MDGA2: variants seen among roughly 807,000 people sequenced by gnomAD.
MDGA2 encodes MAM domain-containing glycosylphosphatidylinositol anchor protein 2.
A neutral mutation model predicts 117.8 loss-of-function variants in MDGA2; 40 were observed. The observed-to-expected ratio is 0.34, with a 90% CI of 0.26 to 0.44. The LOEUF (loss-of-function observed/expected upper bound fraction) is 0.44, where lower values mean the gene tolerates loss of function less well. Among genes scored for constraint, MDGA2 ranks in the 20% least tolerant of loss-of-function variants. The pLI, the probability that MDGA2 is intolerant of heterozygous loss-of-function variation, is 1.00. For synonymous variants in MDGA2, 452 were observed against 439.0 expected, an observed-to-expected ratio of 1.03 and a Z score of -0.37; for missense variants, 1,123 against 1,250.6, an observed-to-expected ratio of 0.90 and a Z score of 1.54.
chr14:46,998,277 CTATAA>C (rs1205473563), intron 8 of MDGA2, among the ~76,000 whole-genome samples: 1 of 151,834 alleles, frequency 6.6e-6, no homozygotes, highest in African/African-American at 2.4e-5. Flanking sequence ...GATCCAGTCT[CTATAA>C]AAACAGATGA....
chr14:47,283,291 A>C (rs995489098), intron 2 of MDGA2, among the ~76,000 whole-genome samples: 3 of 152,226 alleles, frequency 2.0e-5, no homozygotes, highest in Non-Finnish European at 4.4e-5. Flanking sequence ...TCTACCTTCA[A>C]GAAAAGTAAA....
rs1236050099 is a variant in MDGA2 at position 47,248,100 on chromosome 14, TA to T, written c.421-29906del. On this transcript the variant is annotated intron_variant, in intron 2 of 16. Coordinates refer to ENST00000399232, the MANE Select transcript of MDGA2 (RefSeq NM_001113498.3). ...TCTGCTATTGTGAATAGTGCTGCAA[TA>T]AACATATGTGTGCATGTGTCTTTAT... Among the ~76,000 whole-genome samples, 10 of 151,712 alleles carry T rather than the reference TA, an allele frequency of 6.6e-5. 2 individuals are homozygous for T. Among genetic ancestry groups the T allele is most frequent in the Non-Finnish European group, 1.3e-4 (9 of 67,778 alleles).
chr14:47,362,233 C>T (rs181956228), intron 1 of MDGA2, among the ~76,000 whole-genome samples: 2 of 152,254 alleles, frequency 1.3e-5, no homozygotes, highest in African/African-American at 2.4e-5. Flanking sequence ...GAAGTACCTT[C>T]ATTTTCCCTT....
chr14:47,615,328 T>C (rs143186889), intron 1 of MDGA2, among the ~76,000 whole-genome samples: 12 of 152,304 alleles, frequency 7.9e-5, no homozygotes, highest in Middle Eastern at 3.4e-3. Context: ...TAAAAATCAA[T>C]ATAAAATTTG....
chr14:46,921,297 T>G (rs1015918252), intron 9 of MDGA2, among the ~76,000 whole-genome samples: 1 of 152,128 alleles, frequency 6.6e-6, no homozygotes, highest in African/African-American at 2.4e-5. Flanking sequence ...CTTTTCTTTT[T>G]TTCTTTCTTT....
intron 1 of MDGA2, among the ~76,000 whole-genome samples, chr14:47,658,609 T>C (rs1897788053): frequency 6.6e-6 from 1 of 152,102 alleles, no homozygotes; most frequent in East Asian, 1.9e-4. Flanking sequence ...CAAGCAGATA[T>C]GAGCAACAAA....
intron 9 of MDGA2, among the ~76,000 whole-genome samples, chr14:46,939,073 A>T (rs1303959709): frequency 6.6e-6 from 1 of 152,138 alleles, no homozygotes; most frequent in East Asian, 1.9e-4. Context: ...TGATCTCATA[A>T]ATGTAAAGGG....
At chr14:46,959,938 A>G (rs936844417) in intron 8 of MDGA2, among the ~76,000 whole-genome samples, 2 of 151,998 alleles carry the variant, frequency 1.3e-5, no homozygotes, top group African/African-American at 4.8e-5. Flanking sequence ...AGTCTGTTGT[A>G]CATAGTTGGG....
chr14:47,467,032 T>C (rs954931799), intron 1 of MDGA2, among the ~76,000 whole-genome samples: 1 of 152,056 alleles, frequency 6.6e-6, no homozygotes, highest in Non-Finnish European at 1.5e-5. Flanking sequence ...CTGAAGTAAT[T>C]GTAACTAAGG....
intron 1 of MDGA2, among the ~76,000 whole-genome samples, chr14:47,390,141 TA>T (rs1891861738): frequency 6.6e-6 from 1 of 152,188 alleles, no homozygotes; most frequent in African/African-American, 2.4e-5. Context: ...AAATACAGAT[TA>T]AATATGAGGC....
chr14:47,518,053 T>G (rs1301476129), intron 1 of MDGA2, among the ~76,000 whole-genome samples: 2 of 152,088 alleles, frequency 1.3e-5, no homozygotes, highest in African/African-American at 4.8e-5. Flanking sequence ...GAGATTTTTA[T>G]ATTGTAGGTG....
chr14:47,233,605 G>A (rs1467834858), intron 2 of MDGA2, among the ~76,000 whole-genome samples: 1 of 151,990 alleles, frequency 6.6e-6, no homozygotes, highest in East Asian at 1.9e-4. Flanking sequence ...AGATGGCAGA[G>A]GGAGAATAAA....
chr14:47,656,060 A>G (rs1462454234), intron 1 of MDGA2, among the ~76,000 whole-genome samples: 1 of 152,174 alleles, frequency 6.6e-6, no homozygotes, highest in Non-Finnish European at 1.5e-5. Context: ...AGTTTATGGC[A>G]TACTACTGGG....
At chr14:47,174,942 T>C (rs1261610909) in intron 3 of MDGA2, among the ~76,000 whole-genome samples, 1 of 151,564 alleles carries the variant, frequency 6.6e-6, no homozygotes, top group Non-Finnish European at 1.5e-5. Flanking sequence ...ATCAAATAGA[T>C]GCAATAAAAA....
chr14:47,465,685 C>T (rs112647733), intron 1 of MDGA2, among the ~76,000 whole-genome samples: 5,957 of 152,016 alleles, frequency 0.039, 391 homozygotes, highest in African/African-American at 0.13. Context: ...AAATAACAGA[C>T]GCTGGCAAGG....
chr14:47,454,465 G>A (rs1313390171), intron 1 of MDGA2, among the ~76,000 whole-genome samples: 1 of 152,024 alleles, frequency 6.6e-6, no homozygotes, highest in Non-Finnish European at 1.5e-5. Flanking sequence ...ATAAAACACA[G>A]GACCAAAATC....
chr14:46,969,519 CA>C (rs1210086754), intron 8 of MDGA2, among the ~76,000 whole-genome samples: 1 of 152,188 alleles, frequency 6.6e-6, no homozygotes, highest in East Asian at 1.9e-4. Context: ...AGCATTGTTT[CA>C]TGTGTCTGTT....
intron 1 of MDGA2, among the ~76,000 whole-genome samples, chr14:47,640,310 A>G (rs1477475736): frequency 6.6e-6 from 1 of 152,102 alleles, no homozygotes; most frequent in Non-Finnish European, 1.5e-5. Flanking sequence ...ATGTCTCTTC[A>G]GTGAGTCTTC....
intron 3 of MDGA2, among the ~76,000 whole-genome samples, chr14:47,211,149 A>G (rs1885867978): frequency 6.6e-6 from 1 of 152,120 alleles, no homozygotes; most frequent in Non-Finnish European, 1.5e-5. Context: ...TTCTCCCCCA[A>G]ACCCACCATC....
Sources: allele counts gnomAD v4.1 joint callset (sites outside exome capture counted in the v4.1 genomes callset), GRCh38; gene constraint gnomAD v4.1.1; transcripts MANE v1.5; gene names NCBI Gene and HGNC (gene_info 2026-07-23, HGNC 2026-07-21).